DOCK2: variants seen among roughly 807,000 people sequenced by gnomAD.
DOCK2 encodes the protein dedicator of cytokinesis 2.
A neutral mutation model predicts 248.9 loss-of-function variants in DOCK2; 87 were observed. The observed-to-expected ratio is 0.35, with a 90% CI of 0.29 to 0.42. DOCK2 has a LOEUF of 0.42. Among genes scored for constraint, DOCK2 ranks in the 10% least tolerant of loss-of-function variants. DOCK2 has a pLI of 1.00. For synonymous variants in DOCK2, 805 were observed against 821.6 expected, an observed-to-expected ratio of 0.98 and a Z score of 0.35; for missense variants, 1,747 against 2,300.2, an observed-to-expected ratio of 0.76 and a Z score of 4.92.
rs1055879885 is a variant in DOCK2 at position 170,067,644 on chromosome 5, T to C, written c.4602T>C (p.Ile1534=). The C allele has an allele frequency of 1.2e-6, 2 of 1,614,162 alleles. No individual in the cohort carries two copies. Among genetic ancestry groups the C allele is most frequent in the African/African-American group, 2.7e-5 (2 of 75,042 alleles). Residue 1534 remains isoleucine, a synonymous_variant, in exon 45 of 52, where the codon ATT becomes ATC. Coordinates refer to ENST00000520908, the MANE Select transcript of DOCK2 (RefSeq NM_004946.3). ...INPLSMLLNG[I]VDPAVMGGFA... ...CACTCTCCATGCTCCTGAACGGGAT[T>C]GTGGACCCTGCTGTCATGGGAGGCT... is the stretch of plus-strand genomic sequence containing the variant.
Position 169,999,247 on chromosome 5 carries a change from G to A in DOCK2, c.3072+3083G>A, listed in dbSNP as rs141125431. 1.3e-3 allele frequency among the ~76,000 whole-genome samples: 202 copies of A among 152,256 alleles called. 1 individual carries two copies. Among genetic ancestry groups the A allele is most frequent in the African/African-American group, 4.7e-3 (194 of 41,532 alleles). Reference sequence around the variant, plus strand: ...CATGAGAAGTACGGGCTTGCAAGCTGAGTGACTTTAGACAAATTACTTCAT... The same window carrying A: ...CATGAGAAGTACGGGCTTGCAAGCTAAGTGACTTTAGACAAATTACTTCAT... On this transcript the variant is annotated intron_variant, in intron 30 of 51. Coordinates refer to ENST00000520908, the MANE Select transcript of DOCK2 (RefSeq NM_004946.3).
chr5:169,829,847 T>C (rs1354360636), intron 26 of DOCK2, among the ~76,000 whole-genome samples: 1 of 152,228 alleles, frequency 6.6e-6, no homozygotes, highest in African/African-American at 2.4e-5. Flanking sequence ...CCTGCTTTTT[T>C]GTCTAAAGAG....
rs762444090 is a variant in DOCK2 at position 170,041,231 on chromosome 5, GAA to G, written c.3756+90_3756+91del. 1,391 of 1,269,452 alleles carry G rather than the reference GAA, an allele frequency of 1.1e-3. 15 individuals are homozygous for G. Among genetic ancestry groups the G allele is most frequent in the Middle Eastern group, 2.0e-3 (11 of 5,416 alleles). The allele number at this position is 1,269,452 out of a possible 1,614,324, so 78.6% of individuals were successfully genotyped here. On this transcript the variant is annotated intron_variant, in intron 37 of 51. Coordinates refer to ENST00000520908, the MANE Select transcript of DOCK2 (RefSeq NM_004946.3). ...TTGAAGAGTGAAAAAAGAAAAAAAA[GAA>G]AAAGAATCCAAATATTTTGTTTTGC... is the stretch of plus-strand genomic sequence containing the variant.
At chr5:169,931,894 C>T (rs923868528) in intron 27 of DOCK2, among the ~76,000 whole-genome samples, 1 of 152,192 alleles carries the variant, frequency 6.6e-6, no homozygotes, top group African/African-American at 2.4e-5. Context: ...CCTCTTTCTT[C>T]ACTGTGGGTC....
intron 25 of DOCK2, among the ~76,000 whole-genome samples, chr5:169,786,202 C>T (rs1765969489): frequency 6.6e-6 from 1 of 152,204 alleles, no homozygotes; most frequent in Non-Finnish European, 1.5e-5. Flanking sequence ...TTCTACAGCA[C>T]CTCATAAATT....
At chr5:169,913,059 T>C (rs371840664) in intron 27 of DOCK2, among the ~76,000 whole-genome samples, 335 of 152,328 alleles carry the variant, frequency 2.2e-3, no homozygotes, top group African/African-American at 7.5e-3. Context: ...GCAAGCCTTC[T>C]TTCTAAATGC....
intron 1 of DOCK2, among the ~76,000 whole-genome samples, chr5:169,643,088 TAG>T: frequency 6.6e-6 from 1 of 152,318 alleles, no homozygotes; most frequent in East Asian, 1.9e-4. Flanking sequence ...TTCCCTTTAA[TAG>T]GCACTTTCTC....
intron 1 of DOCK2, among the ~76,000 whole-genome samples, chr5:169,637,675 C>G (rs1050921969): frequency 1.3e-5 from 2 of 152,192 alleles, no homozygotes; most frequent in African/African-American, 4.8e-5. Flanking sequence ...CTCGGCGTCC[C>G]CAGGAGTGCC....
chr5:169,994,216 G>A (rs1020214453), intron 29 of DOCK2, among the ~76,000 whole-genome samples: 1 of 152,168 alleles, frequency 6.6e-6, no homozygotes, highest in Non-Finnish European at 1.5e-5. Context: ...GAGAGGCCTG[G>A]ATGGATATAC....
intron 27 of DOCK2, among the ~76,000 whole-genome samples, chr5:169,869,265 C>T (rs1489090678): frequency 6.6e-6 from 1 of 152,170 alleles, no homozygotes; most frequent in Non-Finnish European, 1.5e-5. Context: ...GGAAACACAG[C>T]AGGGTTTCAT....
chr5:170,036,385 G>A, intron 35 of DOCK2, 130 bp from the exon 36 acceptor site: 2 of 922,828 alleles, frequency 2.2e-6, no homozygotes, highest in Non-Finnish European at 3.3e-6. Context: ...AGGAAAATAA[G>A]TTTCTTATTC....
chr5:169,734,909 G>A (rs1762956484), intron 22 of DOCK2, among the ~76,000 whole-genome samples: 1 of 152,162 alleles, frequency 6.6e-6, no homozygotes, highest in Non-Finnish European at 1.5e-5. Context: ...AGACGCCTTT[G>A]GGGCAAAGCT....
At chr5:170,001,627 A>G (rs1754835619) in intron 30 of DOCK2, among the ~76,000 whole-genome samples, 1 of 152,218 alleles carries the variant, frequency 6.6e-6, no homozygotes, top group Non-Finnish European at 1.5e-5. Flanking sequence ...GGGAGGATTT[A>G]ACCAGAATGC....
chr5:169,795,652 G>A (rs959933991), intron 25 of DOCK2, among the ~76,000 whole-genome samples: 1 of 152,220 alleles, frequency 6.6e-6, no homozygotes, highest in Non-Finnish European at 1.5e-5. Context: ...GGGAGGTTGT[G>A]AGAACAAATT....
chr5:170,047,593 G>A lies in DOCK2; in HGVS notation c.4050G>A (p.Gln1350=). Residue 1350 remains glutamine (Q), a synonymous_variant, in exon 40 of 52, where the codon CAG becomes CAA. Coordinates refer to ENST00000520908, the MANE Select transcript of DOCK2 (RefSeq NM_004946.3). ...ACTTTGCTGTTGGATACTACGGCCA[G>A]GGATTCCCCTCCTTCCTGCGGGTGA... ...PDYFAVGYYG[Q]GFPSFLRNKV... 1 of 1,614,030 alleles carries A rather than the reference G, an allele frequency of 6.2e-7. No individual in the cohort carries two copies. Among genetic ancestry groups the A allele is most frequent in the South Asian group, 1.1e-5 (1 of 91,036 alleles).
intron 26 of DOCK2, among the ~76,000 whole-genome samples, chr5:169,810,763 G>A (rs985039921): frequency 2.6e-5 from 4 of 152,002 alleles, no homozygotes; most frequent in South Asian, 2.1e-4. Flanking sequence ...TAGCGCAAGC[G>A]ACTCCATCTT....
intron 22 of DOCK2, among the ~76,000 whole-genome samples, chr5:169,719,799 A>C (rs1394186928): frequency 6.6e-6 from 1 of 152,140 alleles, no homozygotes; most frequent in Admixed American, 6.6e-5. Flanking sequence ...AGTTGTGGTC[A>C]TGTGTGCATT....
intron 44 of DOCK2, among the ~76,000 whole-genome samples, chr5:170,062,340 G>A: frequency 6.6e-6 from 1 of 152,018 alleles, no homozygotes; most frequent in South Asian, 2.1e-4. Flanking sequence ...ACCCCCAAAT[G>A]CACCAGATAA....
chr5:169,669,240 C>T lies in DOCK2; in HGVS notation c.128-48C>T, dbSNP rs79358460. ...AAACAAAACAGAAAAACACTAGCAA[C>T]AAACTTGTAATAAATGAGGGAACTG... On this transcript the variant is annotated intron_variant, in intron 2 of 51. Transcript: ENST00000520908. 1.5e-3 allele frequency: 2,345 copies of T among 1,609,452 alleles called. 48 individuals carry two copies. In the African/African-American group the frequency reaches 0.029, roughly 20 times the overall value.
Sources: gnomAD v4.1 joint callset for allele counts (sites outside exome capture counted in the v4.1 genomes callset) on GRCh38, gnomAD v4.1.1 for gene constraint, MANE v1.5 for transcripts, NCBI Gene and HGNC (gene_info 2026-07-23, HGNC 2026-07-21) for gene names.